Variants in ADAM2 observed in about 807,000 individuals in gnomAD.
ADAM2 encodes ADAM metallopeptidase domain 2, also known as disintegrin and metalloproteinase domain-containing protein 2.
ADAM2 carries 101 observed loss-of-function variants against 99.3 expected under a neutral mutation model. That is an observed-to-expected ratio of 1.02 (90% CI 0.87 to 1.20). The LOEUF is 1.20. Ranked by LOEUF, ADAM2 falls within the 50% of genes most tolerant of loss-of-function variation. ADAM2 has a pLI of 0.00. For synonymous variants in ADAM2, 323 were observed against 287.6 expected (o/e 1.12, Z -1.25); for missense variants, 948 against 878.7 (o/e 1.08, Z -1.00).
intron 18 of ADAM2, among the ~76,000 whole-genome samples, chr8:39,747,422 A>G (rs904412572): frequency 6.6e-6 from 1 of 152,180 alleles, no homozygotes; most frequent in Non-Finnish European, 1.5e-5. Context: ...AATTCTTAGT[A>G]GCCTTACTGT....
rs984753736 is a variant in ADAM2, at chr8:39,761,279, C to T, written c.1510G>A (p.Val504Ile). 1.3e-6 allele frequency: 2 copies of T among 1,576,582 alleles called. No individual in the cohort carries two copies. The highest frequency in any genetic ancestry group is 1.8e-5 in the Admixed American group (1 of 56,054). Residue 504 changes from valine to isoleucine, a missense_variant and splice_region_variant, in exon 15 of 21, where the codon GTA becomes ATA. Coordinates refer to ENST00000265708, the MANE Select transcript of ADAM2 (RefSeq NM_001464.5). ...TAACATTCTGAAGGGCCAAACTCTA[C>T]TTCTGAAAATAAAAAGGTGAGGTTA... ...KQCTDTFGKE[V>I]EFGPSECYSH...
At position 39,817,170 on chromosome 8, in the gene ADAM2, G is replaced by C. The variant is rs149872161; in HGVS notation, c.513+3832C>G. ...AGATATAAAAGAAGAAAGAATAAAG[G>C]AATAAGGAACATATAAGACAAATAA... On this transcript the variant is annotated intron_variant, in intron 6 of 20. Transcript: ENST00000265708. Among the ~76,000 whole-genome samples the C allele has an allele frequency of 4.3e-3, 660 of 151,968 alleles. 4 individuals are homozygous for C. Among genetic ancestry groups the C allele is most frequent in the Non-Finnish European group, 6.8e-3 (465 of 67,904 alleles).
chr8:39,758,312 A>G (rs1273677314), intron 15 of ADAM2, among the ~76,000 whole-genome samples: 3 of 152,160 alleles, frequency 2.0e-5, no homozygotes, highest in Non-Finnish European at 4.4e-5. Context: ...AAAGCAATAT[A>G]TACATATAGT....
chr8:39,789,389 G>A lies in ADAM2; in HGVS notation c.571-649C>T, dbSNP rs1803606245. ...AATTATAAGGCAATAGATATCTATA[G>A]CACATTTCACTACAAAACAGCAAAT... On this transcript the variant is annotated intron_variant, in intron 7 of 20. Transcript: ENST00000265708. Among the ~76,000 whole-genome samples the A allele has an allele frequency of 4.6e-5, 7 of 151,860 alleles. No individual in the cohort carries two copies. The South Asian group carries it at 1.5e-3, about 31-fold the overall frequency.
chr8:39,784,716 A>T (rs1051568304), intron 10 of ADAM2, among the ~76,000 whole-genome samples: 1 of 152,172 alleles, frequency 6.6e-6, no homozygotes, highest in Non-Finnish European at 1.5e-5. Flanking sequence ...AAACAAGCCA[A>T]ATTCCAGCAT....
rs950269406 is a variant in ADAM2, at chr8:39,837,986, C to A, written c.55+145G>T. The A allele has an allele frequency of 3.5e-5, 29 of 837,348 alleles. No individual in the cohort carries two copies. The Middle Eastern group carries it at 1.1e-3, about 32-fold the overall frequency. The allele number at this position is 837,348 out of a possible 1,614,324, so 51.9% of individuals were successfully genotyped here. A position where few individuals can be genotyped will look rare whatever the true frequency, so the allele number is the denominator to read the frequency against. ...CTACGTGGATTTTGGGTGGGGAAGG[C>A]GGCAATGTCGGGGATGAGCTTGGAA... On this transcript the variant is annotated intron_variant, in intron 1 of 20. Coordinates refer to ENST00000265708, the MANE Select transcript of ADAM2 (RefSeq NM_001464.5).
chr8:39,795,436 T>C (rs1169080970), intron 7 of ADAM2, among the ~76,000 whole-genome samples: 2 of 152,126 alleles, frequency 1.3e-5, no homozygotes. Context: ...GGAGGCTTCA[T>C]CTGCATGATA....
rs1340777906 is a variant in ADAM2 at position 39,755,878 on chromosome 8, A to G, written c.1647T>C (p.Tyr549=). Residue 549 remains tyrosine (Y), a synonymous_variant, in exon 16 of 21, where the codon TAT becomes TAC. Transcript: ENST00000265708. The part of the protein sequence containing the change: ...NLQCGKLICK[Y]VGKFLLQIPR... ...GAATTTGTAATAAAAATTTACCTAC[A>G]TATTTACATATTAATTTTCCGCACT... The G allele has an allele frequency of 6.4e-7, 1 of 1,569,624 alleles. No homozygotes were observed. Among genetic ancestry groups the G allele is most frequent in the East Asian group, 2.2e-5 (1 of 44,510 alleles).
rs139169941 is a variant in ADAM2, at chr8:39,812,345, A to G, written c.514-2879T>C. Among the ~76,000 whole-genome samples, 1,162 of 152,330 alleles carry G rather than the reference A, an allele frequency of 7.6e-3. 9 individuals carry two copies. Among genetic ancestry groups the G allele is most frequent in the African/African-American group, 0.027 (1,114 of 41,568 alleles). ...GAATCAATATTGTGAAAATGACCATACTGCTGAAGGTAATTTATGGATTCA... is the reference window on the plus strand; with the variant it reads ...GAATCAATATTGTGAAAATGACCATGCTGCTGAAGGTAATTTATGGATTCA... On this transcript the variant is annotated intron_variant, in intron 6 of 20. Coordinates refer to ENST00000265708, the MANE Select transcript of ADAM2 (RefSeq NM_001464.5).
chr8:39,749,288 T>G, intron 18 of ADAM2, 24 bp downstream of exon 18: 1 of 1,565,426 alleles, frequency 6.4e-7, no homozygotes, highest in African/African-American at 1.4e-5. Flanking sequence ...TTTAATTATT[T>G]TCTGATTTAT....
chr8:39,745,094 T>TG (rs990879716), intron 19 of ADAM2, among the ~76,000 whole-genome samples: 5 of 152,092 alleles, frequency 3.3e-5, no homozygotes, highest in African/African-American at 1.2e-4. Flanking sequence ...TCAGTGAATA[T>TG]GAAAAAAAAG....
chr8:39,749,831 C>A lies in ADAM2; in HGVS notation c.1798-87G>T, dbSNP rs1361988429. Reference sequence around the variant, plus strand: ...AAGCATTCCATACCATACCATATTACCATGGACTAATAAAAAGGGTATTGA... The same window carrying A: ...AAGCATTCCATACCATACCATATTAACATGGACTAATAAAAAGGGTATTGA... On this transcript the variant is annotated intron_variant, in intron 16 of 20. Coordinates refer to ENST00000265708, the MANE Select transcript of ADAM2 (RefSeq NM_001464.5). 6 of 926,310 alleles carry A rather than the reference C, an allele frequency of 6.5e-6. No homozygotes were observed. The African/African-American group carries it at 8.3e-5, about 13-fold the overall frequency. 57.4% of individuals were successfully genotyped at this position (926,310 alleles called of 1,614,324 possible). A position where few individuals can be genotyped will look rare whatever the true frequency, so the allele number is the denominator to read the frequency against.
chr8:39,750,287 T>G (rs1304039352), intron 16 of ADAM2, among the ~76,000 whole-genome samples: 1 of 152,056 alleles, frequency 6.6e-6, no homozygotes, highest in East Asian at 1.9e-4. Flanking sequence ...AATAAATATT[T>G]GAGTCCTACA....
chr8:39,749,446 C>T lies in ADAM2; in HGVS notation c.1880G>A (p.Cys627Tyr), dbSNP rs1823618355. 1 of 1,611,070 alleles carries T rather than the reference C, an allele frequency of 6.2e-7. No individual in the cohort carries two copies. The highest frequency in any genetic ancestry group is 2.2e-5 in the East Asian group (1 of 44,842). ...ACAGTGACAGTGCTTTTTGTTATTG[C>T]ATACCTAAAAGAAGGAGAAATATCA... ...TTDKCNDRGV[C>Y]NNKKHCHCSA... Residue 627 changes from cysteine (C) to tyrosine (Y), a missense_variant, in exon 18 of 21, where the codon TGC (cysteine) becomes TAC (tyrosine). Cys to Tyr is a radical substitution (Grantham distance 194). Coordinates refer to ENST00000265708, the MANE Select transcript of ADAM2 (RefSeq NM_001464.5).
Position 39,788,228 on chromosome 8 carries a change from T to G in ADAM2, c.666A>C (p.Thr222=), listed in dbSNP as rs1803559035. 4 of 1,533,656 alleles carry G rather than the reference T, an allele frequency of 2.6e-6. No individual in the cohort carries two copies. The highest frequency in any genetic ancestry group is 3.5e-6 in the Non-Finnish European group (4 of 1,137,490). ...AAAGCTCCAATGAAGACAGAATAAT[T>G]GTAATATTAAATGAAACAAAAATCT... The part of the protein sequence containing the change: ...TNAIFVSFNI[T]IILSSLELWI... Residue 222 remains threonine (T), a synonymous_variant, in exon 9 of 21, where the codon ACA becomes ACC. Coordinates refer to ENST00000265708, the MANE Select transcript of ADAM2 (RefSeq NM_001464.5).
chr8:39,814,341 A>G (rs547518929), intron 6 of ADAM2, among the ~76,000 whole-genome samples: 1 of 151,852 alleles, frequency 6.6e-6, no homozygotes, highest in Admixed American at 6.6e-5. Flanking sequence ...TCTGGGTGAC[A>G]GAGTGAGACT....
chr8:39,825,026 A>G (rs373223819), intron 3 of ADAM2, 129 bp from the exon 4 acceptor site: 8 of 603,664 alleles, frequency 1.3e-5, no homozygotes, highest in East Asian at 1.1e-4. Flanking sequence ...TTTTCTAAAT[A>G]TATGGATTTT....
intron 2 of ADAM2, among the ~76,000 whole-genome samples, chr8:39,836,027 T>C (rs1485800700): frequency 6.6e-6 from 1 of 152,044 alleles, no homozygotes; most frequent in Non-Finnish European, 1.5e-5. Flanking sequence ...AAGGAACTTT[T>C]TGATGACCAG....
chr8:39,786,516 T>A (rs143371819), intron 10 of ADAM2, among the ~76,000 whole-genome samples: 2 of 152,158 alleles, frequency 1.3e-5, no homozygotes, highest in Non-Finnish European at 2.9e-5. Context: ...CTCTACTAGA[T>A]AATTAATGTC....
Sources: allele counts gnomAD v4.1 joint callset (sites outside exome capture counted in the v4.1 genomes callset), GRCh38; gene constraint gnomAD v4.1.1; transcripts MANE v1.5; gene names NCBI Gene and HGNC (gene_info 2026-07-23, HGNC 2026-07-21).